BCAS4: variants seen among roughly 807,000 people sequenced by gnomAD.
BCAS4 encodes breast carcinoma-amplified sequence 4.
In BCAS4, 9 loss-of-function variants were observed where a neutral mutation model predicts 15.7. That is an observed-to-expected ratio of 0.57 (90% CI 0.34 to 1.00). BCAS4 has a LOEUF of 1.00. Among genes scored for constraint, BCAS4 ranks in the 50% least tolerant of loss-of-function variants. The pLI is 0.02. For synonymous variants in BCAS4, 101 were observed against 99.5 expected, an observed-to-expected ratio of 1.02 and a Z score of -0.09; for missense variants, 225 against 239.1, an observed-to-expected ratio of 0.94 and a Z score of 0.39.
intron 1 of BCAS4, among the ~76,000 whole-genome samples, chr20:50,804,796 T>C (rs934518028): frequency 5.9e-5 from 9 of 152,218 alleles, no homozygotes; most frequent in African/African-American, 2.2e-4. Context: ...GGGACCAGGA[T>C]GGGAACTCTG....
intron 1 of BCAS4, among the ~76,000 whole-genome samples, chr20:50,813,267 C>CCCTCAT (rs2088094570): frequency 6.6e-6 from 1 of 152,216 alleles, no homozygotes. Context: ...CACATCCTCG[C>CCCTCAT]CAGCCCTCAT....
chr20:50,866,866 A>C (rs942784490), intron 4 of BCAS4, among the ~76,000 whole-genome samples: 2 of 152,076 alleles, frequency 1.3e-5, no homozygotes, highest in Admixed American at 1.3e-4. Flanking sequence ...GCAAAGTGAG[A>C]TGGAGGTTCC....
intron 4 of BCAS4, among the ~76,000 whole-genome samples, chr20:50,859,076 T>G (rs1189980582): frequency 6.6e-6 from 1 of 151,998 alleles, no homozygotes; most frequent in Non-Finnish European, 1.5e-5. Flanking sequence ...GCTGAGAGAC[T>G]ACAGGTGTGC....
intron 4 of BCAS4, among the ~76,000 whole-genome samples, chr20:50,854,220 G>C (rs1049822360): frequency 2.6e-5 from 4 of 151,888 alleles, no homozygotes; most frequent in Non-Finnish European, 5.9e-5. Flanking sequence ...GCTGCTGGCC[G>C]GCTCCATGGC....
chr20:50,862,686 A>G (rs1032692739), intron 4 of BCAS4, among the ~76,000 whole-genome samples: 2 of 151,994 alleles, frequency 1.3e-5, no homozygotes, highest in Non-Finnish European at 2.9e-5. Context: ...TCTCTGAAGC[A>G]GGTCCTTCAG....
At chr20:50,882,122 G>A (rs1278278406), downstream of BCAS4, 5 of 150,802 alleles carry the variant, frequency 3.3e-5, no homozygotes, top group African/African-American at 1.2e-4. Flanking sequence ...GGTTGAGGCT[G>A]CAGTAAGCCG....
At chr20:50,848,626 C>T (rs1374387469) in intron 4 of BCAS4, among the ~76,000 whole-genome samples, 2 of 152,220 alleles carry the variant, frequency 1.3e-5, no homozygotes, top group African/African-American at 4.8e-5. Context: ...ATTTGCTTCA[C>T]TTGGCAAGAA....
chr20:50,806,906 C>T (rs1018594647), intron 1 of BCAS4, among the ~76,000 whole-genome samples: 10 of 118,330 alleles, frequency 8.5e-5, no homozygotes, highest in Non-Finnish European at 1.3e-4. Context: ...GAGTCTCACT[C>T]TGTTGCCCAG....
chr20:50,838,823 G>A (rs980498691), intron 3 of BCAS4, among the ~76,000 whole-genome samples: 3 of 152,118 alleles, frequency 2.0e-5, no homozygotes, highest in Non-Finnish European at 4.4e-5. Context: ...CAGCCTGGGC[G>A]ACAGAGTGAG....
intron 2 of BCAS4, among the ~76,000 whole-genome samples, chr20:50,818,997 A>G (rs1013082480): frequency 1.3e-4 from 20 of 152,146 alleles, no homozygotes; most frequent in African/African-American, 4.6e-4. Flanking sequence ...AGCCTGACCA[A>G]CATGGTGAAA....
At chr20:50,801,251 A>G (rs1483852002) in intron 1 of BCAS4, among the ~76,000 whole-genome samples, 1 of 151,964 alleles carries the variant, frequency 6.6e-6, no homozygotes, top group East Asian at 1.9e-4. Context: ...ACATGGTGAA[A>G]CCCTGTCTCT....
intron 1 of BCAS4, among the ~76,000 whole-genome samples, chr20:50,803,630 C>A (rs1456171656): frequency 6.6e-6 from 1 of 151,844 alleles, no homozygotes; most frequent in Non-Finnish European, 1.5e-5. Flanking sequence ...ATTGCTTAAG[C>A]TCAGGAGATC....
At chr20:50,864,720 A>G (rs1307113755) in intron 4 of BCAS4, among the ~76,000 whole-genome samples, 1 of 151,864 alleles carries the variant, frequency 6.6e-6, no homozygotes, top group Non-Finnish European at 1.5e-5. Context: ...CATTATTGAT[A>G]CCATTTAACA....
At chr20:50,812,325 G>C (rs531669530) in intron 1 of BCAS4, among the ~76,000 whole-genome samples, 3 of 152,126 alleles carry the variant, frequency 2.0e-5, no homozygotes, top group East Asian at 1.9e-4. Context: ...AGTAGAGACG[G>C]GGTTTCACCG....
downstream of BCAS4, chr20:50,877,493 C>G (rs962706071): frequency 1.3e-5 from 2 of 152,228 alleles, no homozygotes; most frequent in Admixed American, 6.5e-5. Flanking sequence ...TGGAATTCCT[C>G]GAAGAGCCAA....
At chr20:50,878,770 G>A (rs1452063551), downstream of BCAS4, 2 of 152,220 alleles carry the variant, frequency 1.3e-5, no homozygotes, top group Non-Finnish European at 2.9e-5. Context: ...AAAATGTAGT[G>A]TTGGCACAAA....
intron 4 of BCAS4, among the ~76,000 whole-genome samples, chr20:50,854,700 GGTGGGCTGCGAGGATTGCTTTT>G (rs1390143745): frequency 2.0e-5 from 3 of 152,166 alleles, no homozygotes; most frequent in Admixed American, 2.0e-4. Flanking sequence ...GCTCAGTTAG[GGTGGGCTGCGAGGATTGCTTTT>G]GTAGACAGCT....
intron 4 of BCAS4, among the ~76,000 whole-genome samples, chr20:50,857,898 C>G (rs1338546248): frequency 1.3e-5 from 2 of 152,130 alleles, no homozygotes; most frequent in South Asian, 4.1e-4. Context: ...GCAGGATGTT[C>G]TCCTCTTTCC....
rs758629828 is a variant in BCAS4 at position 50,861,122 on chromosome 20, C to G, written c.400-15364C>G. ...ACTGGAGGCATCCAGTATTGTGTCT[C>G]CATGAGGCCAAATGAAGTCACCTGG... On this transcript the variant is annotated intron_variant, in intron 4 of 4. Coordinates refer to ENST00000371608, the MANE Select transcript of BCAS4 (RefSeq NM_198799.4). Among the ~76,000 whole-genome samples the G allele has an allele frequency of 1.3e-4, 20 of 152,008 alleles. 1 individual carries two copies. The highest frequency in any genetic ancestry group is 1.3e-4 in the Admixed American group (2 of 15,242).
Sources: allele counts gnomAD v4.1 joint callset (sites outside exome capture counted in the v4.1 genomes callset), GRCh38; gene constraint gnomAD v4.1.1; transcripts MANE v1.5; gene names NCBI Gene and HGNC (gene_info 2026-07-23, HGNC 2026-07-21).